The following DLGAP2 variants were observed in gnomAD, a reference collection of about 807,000 sequenced individuals.
The protein encoded by DLGAP2 is disks large-associated protein 2.
In DLGAP2, 26 loss-of-function variants were observed where a neutral mutation model predicts 100.3. The observed-to-expected ratio is 0.26, with a 90% confidence interval of 0.19 to 0.36. The LOEUF (loss-of-function observed/expected upper bound fraction) is 0.36, where lower values mean the gene tolerates loss of function less well. Among genes scored for constraint, DLGAP2 ranks in the 10% least tolerant of loss-of-function variants. The pLI, the probability that DLGAP2 is intolerant of heterozygous loss-of-function variation, is 1.00. For missense variants in DLGAP2, 1,858 were observed against 1,453.2 expected, an observed-to-expected ratio of 1.28 and a Z score of -4.53; for synonymous variants, 886 against 630.1, an observed-to-expected ratio of 1.41 and a Z score of -6.08.
intron 2 of DLGAP2, among the ~76,000 whole-genome samples, chr8:921,857 C>T (rs1028332838): frequency 1.3e-5 from 2 of 152,262 alleles, no homozygotes; most frequent in Admixed American, 6.5e-5. Flanking sequence ...CTGGTCTCTG[C>T]TCTCCTCTGA....
chr8:1,370,840 G>A (rs1802220287), intron 3 of DLGAP2, among the ~76,000 whole-genome samples: 1 of 152,238 alleles, frequency 6.6e-6, no homozygotes, highest in African/African-American at 2.4e-5. Context: ...GGGCATAAAA[G>A]ATGAGTAACG....
At position 1,702,614 on chromosome 8, in the gene DLGAP2, G is replaced by C. The variant is rs1237724312; in HGVS notation, c.*1208G>C. 3 of 151,840 alleles carry C rather than the reference G, an allele frequency of 2.0e-5. No individual in the cohort carries two copies. Among genetic ancestry groups the C allele is most frequent in the South Asian group, 2.1e-4 (1 of 4,712 alleles). The allele number at this position is 151,840 out of a possible 1,614,324, so 9.4% of individuals were successfully genotyped here. A position where few individuals can be genotyped will look rare whatever the true frequency, so the allele number is the denominator to read the frequency against. On this transcript the variant is annotated 3_prime_UTR_variant, in exon 15 of 15. Transcript: ENST00000637795. ...TCACATATTGTGATTTCCAGCTGTAGCATTCAAAAAAAAAATTGGTGTTCA... is the reference window on the plus strand; with the variant it reads ...TCACATATTGTGATTTCCAGCTGTACCATTCAAAAAAAAAATTGGTGTTCA...
At chr8:1,309,451 G>C (rs1443038563) in intron 3 of DLGAP2, among the ~76,000 whole-genome samples, 1 of 152,134 alleles carries the variant, frequency 6.6e-6, no homozygotes, top group East Asian at 1.9e-4. Flanking sequence ...AAGAGAATGG[G>C]ATGATAAAGT....
rs1563095203 is a variant in DLGAP2 at position 1,344,195 on chromosome 8, C to CTGTGGGCCCTG, written c.106+85313_106+85314insGTGGGCCCTGT. ...CGGGGCGCTGTCGTGGGTCCGTGTA[C>CTGTGGGCCCTG]TCGGGGCCCTGTCGTGGGGCCTGTG... On this transcript the variant is annotated intron_variant, in intron 3 of 14. Coordinates refer to ENST00000637795, the MANE Select transcript of DLGAP2 (RefSeq NM_001346810.2). 1.3e-3 allele frequency among the ~76,000 whole-genome samples: 150 copies of CTGTGGGCCCTG among 118,686 alleles called. 9 individuals are homozygous for CTGTGGGCCCTG. The highest frequency in any genetic ancestry group is 1.9e-3 in the Non-Finnish European group (102 of 52,744). 77.9% of individuals were successfully genotyped at this position (118,686 alleles called of 152,430 possible).
intron 1 of DLGAP2, among the ~76,000 whole-genome samples, chr8:796,195 C>T (rs1044035932): frequency 6.6e-6 from 1 of 152,116 alleles, no homozygotes; most frequent in African/African-American, 2.4e-5. Flanking sequence ...GTGAGCACAG[C>T]TTTGGGGGTT....
chr8:1,270,073 T>C (rs1469197890), intron 3 of DLGAP2, among the ~76,000 whole-genome samples: 2 of 152,182 alleles, frequency 1.3e-5, no homozygotes, highest in African/African-American at 4.8e-5. Flanking sequence ...CCCATTTCCC[T>C]TGGGGTCCTG....
At chr8:840,983 T>A (rs1038533618) in intron 1 of DLGAP2, among the ~76,000 whole-genome samples, 2 of 152,234 alleles carry the variant, frequency 1.3e-5, no homozygotes, top group Non-Finnish European at 2.9e-5. Flanking sequence ...TCTCTGGTGA[T>A]GTCAGAAAGT....
intron 3 of DLGAP2, among the ~76,000 whole-genome samples, chr8:1,315,408 GGCAGC>G: frequency 7.1e-6 from 1 of 140,882 alleles, no homozygotes; most frequent in African/African-American, 2.8e-5. Context: ...CGAGAAACTC[GGCAGC>G]TTTTAAAAAT....
At chr8:1,506,042 T>C (rs1454840363) in intron 4 of DLGAP2, among the ~76,000 whole-genome samples, 1 of 152,204 alleles carries the variant, frequency 6.6e-6, no homozygotes, top group Non-Finnish European at 1.5e-5. Context: ...AATACCTGAA[T>C]ATTAAAATAA....
chr8:748,982 C>G (rs1006349273), intron 1 of DLGAP2, among the ~76,000 whole-genome samples: 7 of 152,176 alleles, frequency 4.6e-5, no homozygotes, highest in Non-Finnish European at 8.8e-5. Flanking sequence ...GGTGAGCAGG[C>G]TACTTTTGTA....
At chr8:1,350,633 C>A (rs1265355121) in intron 3 of DLGAP2, among the ~76,000 whole-genome samples, 9 of 78,134 alleles carry the variant, frequency 1.2e-4, no homozygotes, top group East Asian at 5.1e-4. Context: ...CGTGGAAAGG[C>A]CGTGCGGGTC....
chr8:1,116,808 A>G (rs1805131843), intron 2 of DLGAP2, among the ~76,000 whole-genome samples: 1 of 152,150 alleles, frequency 6.6e-6, no homozygotes, highest in African/African-American at 2.4e-5. Context: ...CTCAAAAAAA[A>G]GAGAAAAAAA....
intron 2 of DLGAP2, among the ~76,000 whole-genome samples, chr8:1,212,908 G>T (rs536152277): frequency 6.6e-6 from 1 of 151,952 alleles, no homozygotes; most frequent in African/African-American, 2.4e-5. Flanking sequence ...ATTTATAAAC[G>T]TTGGAAAATT....
chr8:738,028 G>C (rs1042137416), intron 1 of DLGAP2: 4 of 304,886 alleles, frequency 1.3e-5, no homozygotes, highest in South Asian at 1.6e-4. Context: ...CGCGCGTTGC[G>C]CTCCTCGCCG....
chr8:1,451,482 C>G (rs761896461), intron 3 of DLGAP2, among the ~76,000 whole-genome samples: 1 of 148,266 alleles, frequency 6.7e-6, no homozygotes, highest in Non-Finnish European at 1.5e-5. Context: ...CCCTGTCCCG[C>G]CTTGATCCTT....
intron 1 of DLGAP2, among the ~76,000 whole-genome samples, chr8:864,180 G>A (rs1797446820): frequency 6.6e-6 from 1 of 152,136 alleles, no homozygotes; most frequent in South Asian, 2.1e-4. Flanking sequence ...TGGTTACTGG[G>A]GACTAGGGGA....
At chr8:1,134,853 G>A (rs1057082816) in intron 2 of DLGAP2, among the ~76,000 whole-genome samples, 6 of 152,138 alleles carry the variant, frequency 3.9e-5, no homozygotes, top group African/African-American at 1.4e-4. Flanking sequence ...TCACTATCAT[G>A]GGAACAGTGT....
intron 2 of DLGAP2, among the ~76,000 whole-genome samples, chr8:1,125,456 A>G (rs1370108315): frequency 2.0e-5 from 3 of 152,200 alleles, no homozygotes; most frequent in Admixed American, 6.5e-5. Flanking sequence ...TGTAGGTACT[A>G]TATTTATAAT....
chr8:1,389,248 T>G (rs13277350), intron 3 of DLGAP2, among the ~76,000 whole-genome samples: 77,864 of 145,272 alleles, frequency 0.54, 21,037 homozygotes, highest in East Asian at 0.7. Flanking sequence ...GGAGGAGGAT[T>G]GGAAGGCGAC....
Sources: allele counts gnomAD v4.1 joint callset (sites outside exome capture counted in the v4.1 genomes callset), GRCh38; gene constraint gnomAD v4.1.1; transcripts MANE v1.5; gene names NCBI Gene and HGNC (gene_info 2026-07-23, HGNC 2026-07-21).